Variants in PDE4B observed in about 807,000 individuals in gnomAD.
PDE4B encodes phosphodiesterase 4B.
Under a neutral mutation model 82.2 loss-of-function variants are expected in PDE4B, and 20 were observed. The observed-to-expected ratio is 0.24, with a 90% confidence interval of 0.17 to 0.35. The LOEUF is 0.35. Among genes scored for constraint, PDE4B ranks in the 10% least tolerant of loss-of-function variants. The pLI, the probability that PDE4B is intolerant of heterozygous loss-of-function variation, is 1.00. For missense variants in PDE4B, 655 were observed against 907.2 expected (o/e 0.72, Z 3.57); for synonymous variants, 320 against 318.9 (o/e 1.00, Z -0.04).
At chr1:65,827,023 T>G (rs11576180) in intron 1 of PDE4B, among the ~76,000 whole-genome samples, 14,896 of 152,182 alleles carry the variant, frequency 0.098, 837 homozygotes, top group South Asian at 0.14. Context: ...CTGCATACAT[T>G]AAGCACAGGG....
chr1:66,063,854 T>A (rs1655707463), intron 3 of PDE4B, among the ~76,000 whole-genome samples: 1 of 152,042 alleles, frequency 6.6e-6, no homozygotes, highest in African/African-American at 2.4e-5. Context: ...GGTTTTATAT[T>A]TTATGGAAGG....
chr1:66,266,560 T>A (rs1655053561), intron 7 of PDE4B: 1 of 382,940 alleles, frequency 2.6e-6, no homozygotes, highest in Non-Finnish European at 5.2e-6. Context: ...AACCAAAGGC[T>A]CTTTCCAGGT....
chr1:66,358,396 C>T (rs12082927), intron 9 of PDE4B, among the ~76,000 whole-genome samples: 6,175 of 152,134 alleles, frequency 0.041, 349 homozygotes, highest in African/African-American at 0.13. Flanking sequence ...ATTAACAGGC[C>T]GGGCGTGGCA....
chr1:66,135,068 A>G (rs1354928079), intron 3 of PDE4B, among the ~76,000 whole-genome samples: 2 of 152,224 alleles, frequency 1.3e-5, no homozygotes, highest in Non-Finnish European at 2.9e-5. Context: ...TGAATGAGAA[A>G]GACATGCCAA....
chr1:66,167,664 A>C (rs865887338), intron 3 of PDE4B, among the ~76,000 whole-genome samples: 8 of 152,202 alleles, frequency 5.3e-5, no homozygotes, highest in African/African-American at 1.7e-4. Flanking sequence ...GAACTTAAGC[A>C]TTTTGATATT....
At chr1:66,282,151 G>A (rs1050031243) in intron 7 of PDE4B, among the ~76,000 whole-genome samples, 3 of 152,184 alleles carry the variant, frequency 2.0e-5, no homozygotes, top group African/African-American at 7.2e-5. Context: ...TTGTTCTTCA[G>A]CAACATTTAA....
intron 7 of PDE4B, among the ~76,000 whole-genome samples, chr1:66,269,037 A>G (rs940163144): frequency 6.6e-6 from 1 of 152,246 alleles, no homozygotes; most frequent in East Asian, 1.9e-4. Flanking sequence ...GGAAAACTAC[A>G]TAAAATTTGG....
intron 7 of PDE4B, among the ~76,000 whole-genome samples, chr1:66,269,643 TG>T (rs1400173051): frequency 6.6e-6 from 1 of 152,162 alleles, no homozygotes; most frequent in Non-Finnish European, 1.5e-5. Context: ...AACAGGAAAA[TG>T]GGGTGCATGC....
intron 7 of PDE4B, among the ~76,000 whole-genome samples, chr1:66,274,857 G>T (rs1655762890): frequency 6.6e-6 from 1 of 152,216 alleles, no homozygotes; most frequent in South Asian, 2.1e-4. Flanking sequence ...AACCACAACA[G>T]AAAGCCCTGT....
intron 3 of PDE4B, among the ~76,000 whole-genome samples, chr1:66,213,213 A>G (rs1475810315): frequency 6.6e-6 from 1 of 152,196 alleles, no homozygotes; most frequent in African/African-American, 2.4e-5. Flanking sequence ...CATAATGTGA[A>G]TAATTGTCTC....
intron 7 of PDE4B, among the ~76,000 whole-genome samples, chr1:66,278,669 G>A (rs1405799965): frequency 6.6e-6 from 1 of 152,206 alleles, no homozygotes; most frequent in East Asian, 1.9e-4. Flanking sequence ...TTAGTGTAGT[G>A]AATAAACACT....
intron 3 of PDE4B, among the ~76,000 whole-genome samples, chr1:65,943,311 C>T (rs1185885424): frequency 6.6e-6 from 1 of 151,726 alleles, no homozygotes; most frequent in African/African-American, 2.4e-5. Flanking sequence ...AATCAATTGA[C>T]CATTAATGTG....
At chr1:66,161,698 A>T (rs1299875629) in intron 3 of PDE4B, among the ~76,000 whole-genome samples, 1 of 152,112 alleles carries the variant, frequency 6.6e-6, no homozygotes, top group African/African-American at 2.4e-5. Context: ...GAAGACACTG[A>T]GGGTCTATGG....
rs182754012 is a variant in PDE4B, at chr1:65,945,132, T to C, written c.281+26297T>C. On this transcript the variant is annotated intron_variant, in intron 3 of 16. Coordinates refer to ENST00000341517, the MANE Select transcript of PDE4B (RefSeq NM_002600.4). ...CTATTTGGACTGTAGAACCACATAATGGCTATTGGTTTAAAGTGTATTCCT... is the reference window on the plus strand; with the variant it reads ...CTATTTGGACTGTAGAACCACATAACGGCTATTGGTTTAAAGTGTATTCCT... Among the ~76,000 whole-genome samples the C allele has an allele frequency of 7.7e-4, 117 of 152,118 alleles. 1 individual carries two copies. The highest frequency in any genetic ancestry group is 2.7e-3 in the African/African-American group (113 of 41,542).
At chr1:66,273,371 T>A (rs1221579103) in intron 7 of PDE4B, among the ~76,000 whole-genome samples, 1 of 152,266 alleles carries the variant, frequency 6.6e-6, no homozygotes, top group Non-Finnish European at 1.5e-5. Context: ...TTTTTCACAT[T>A]GTCACTGTGA....
At chr1:65,994,974 T>C (rs1651453437) in intron 3 of PDE4B, among the ~76,000 whole-genome samples, 3 of 152,126 alleles carry the variant, frequency 2.0e-5, no homozygotes, top group African/African-American at 4.8e-5. Flanking sequence ...TTATACAAAT[T>C]TTCTGGCAGC....
chr1:66,258,707 T>C (rs1431692526), intron 6 of PDE4B, among the ~76,000 whole-genome samples: 2 of 152,160 alleles, frequency 1.3e-5, no homozygotes, highest in Non-Finnish European at 2.9e-5. Context: ...AAAACCTGTA[T>C]CTAATTTTTC....
At chr1:65,994,593 A>G (rs1388619825) in intron 3 of PDE4B, among the ~76,000 whole-genome samples, 1 of 152,120 alleles carries the variant, frequency 6.6e-6, no homozygotes, top group African/African-American at 2.4e-5. Context: ...CCTAACATGT[A>G]TGTATTTTCT....
intron 8 of PDE4B, among the ~76,000 whole-genome samples, chr1:66,335,869 T>C (rs518476): frequency 0.57 from 86,345 of 152,034 alleles, 25,215 homozygotes; most frequent in East Asian, 0.82. Flanking sequence ...CTTAGAATTG[T>C]TCATTAATTT....
Sources: allele counts gnomAD v4.1 joint callset (sites outside exome capture counted in the v4.1 genomes callset), GRCh38; gene constraint gnomAD v4.1.1; transcripts MANE v1.5; gene names NCBI Gene and HGNC (gene_info 2026-07-23, HGNC 2026-07-21).